CHD6: variants seen among roughly 807,000 people sequenced by gnomAD.
CHD6 encodes the protein ATP-dependent chromatin remodeler CHD6.
Under a neutral mutation model 276.9 loss-of-function variants are expected in CHD6, and 50 were observed. That is an observed-to-expected ratio of 0.18 (90% CI 0.14 to 0.23). The LOEUF (loss-of-function observed/expected upper bound fraction) is 0.23. Ranked by LOEUF, CHD6 falls within the 10% of genes least tolerant of loss-of-function variation. The probability of loss-of-function intolerance (pLI) is 1.00; values close to 1 mark genes in which losing one functional copy is unlikely to be tolerated. For missense variants in CHD6, 2,564 were observed against 3,365.8 expected (o/e 0.76, Z 5.89); for synonymous variants, 1,173 against 1,229.3 (o/e 0.95, Z 0.96).
intron 25 of CHD6, among the ~76,000 whole-genome samples, chr20:41,442,104 T>C (rs2047919910): frequency 6.6e-6 from 1 of 152,128 alleles, no homozygotes; most frequent in Admixed American, 6.5e-5. Flanking sequence ...TATATTCAAC[T>C]CATTTAACAG....
At chr20:41,592,355 G>T (rs1001013001) in intron 1 of CHD6, among the ~76,000 whole-genome samples, 3 of 152,112 alleles carry the variant, frequency 2.0e-5, no homozygotes, top group Admixed American at 6.5e-5. Context: ...AAACAAAATA[G>T]AAAAACTTGG....
intron 27 of CHD6, among the ~76,000 whole-genome samples, chr20:41,431,737 G>A (rs1471672811): frequency 4.3e-5 from 6 of 140,594 alleles, no homozygotes; most frequent in Non-Finnish European, 7.6e-5. Flanking sequence ...ACAAACTAGA[G>A]ACCTCAGGAC....
Position 41,490,015 on chromosome 20 carries a change from G to GT in CHD6, c.1442dup (p.Asn481LysfsTer6). On this transcript the variant is annotated frameshift_variant, in exon 12 of 37. Coordinates refer to ENST00000373233, the MANE Select transcript of CHD6 (RefSeq NM_032221.5). LOFTEE classifies it high-confidence loss of function. ...GGCCCATCTCATCAGCCAAAATACA[G>GT]TTTTTTCTGCAGAGAGTGAGAAATA... 6.2e-7 allele frequency: 1 copy of GT among 1,612,930 alleles called. No homozygotes were observed. The highest frequency in any genetic ancestry group is 8.5e-7 in the Non-Finnish European group (1 of 1,178,952).
At chr20:41,603,059 A>G (rs902203058) in intron 1 of CHD6, among the ~76,000 whole-genome samples, 1 of 152,122 alleles carries the variant, frequency 6.6e-6, no homozygotes, top group Non-Finnish European at 1.5e-5. Flanking sequence ...GAATATTAAA[A>G]TATTTGAATT....
intron 2 of CHD6, among the ~76,000 whole-genome samples, chr20:41,543,205 C>G (rs1479089271): frequency 6.6e-6 from 1 of 151,726 alleles, no homozygotes; most frequent in African/African-American, 2.4e-5. Context: ...ACCAAAACAA[C>G]CTTAAGATAG....
chr20:41,437,325 T>G lies in CHD6; in HGVS notation c.4017A>C (p.Thr1339=), dbSNP rs375532630. The change falls in exon 27 of 37, where the codon ACA becomes ACC. Residue 1339 remains threonine (T), a synonymous_variant. Transcript: ENST00000373233. ...GTSDIPERGN[T]DKEDNAEDKV... The stretch of plus-strand genomic sequence containing the variant: ...TGTCCTCAGCATTGTCTTCTTTATC[T>G]GTGTTGCCTCTAAATAAAAGTAAAA... 57 of 1,612,310 alleles carry G rather than the reference T, an allele frequency of 3.5e-5. No individual in the cohort carries two copies. The highest frequency in any genetic ancestry group is 4.6e-5 in the Non-Finnish European group (54 of 1,179,280).
intron 2 of CHD6, among the ~76,000 whole-genome samples, chr20:41,535,181 A>G (rs2044798954): frequency 6.6e-6 from 1 of 152,130 alleles, no homozygotes; most frequent in East Asian, 1.9e-4. Context: ...TTTCTGAAGG[A>G]CAGGGGTCCC....
At chr20:41,416,861 A>T in intron 32 of CHD6, 67 bp from the exon 33 acceptor site, 2 of 1,340,200 alleles carry the variant, frequency 1.5e-6, no homozygotes, top group Non-Finnish European at 2.0e-6. Flanking sequence ...ATCCTTTGAG[A>T]TCAAGGGTTA....
Position 41,533,628 on chromosome 20 carries a change from G to C in CHD6, c.34-58C>G, listed in dbSNP as rs570579909. 627 of 1,440,688 alleles carry C rather than the reference G, an allele frequency of 4.4e-4. 15 individuals carry two copies. The South Asian group carries it at 7.5e-3, about 17-fold the overall frequency. The allele number at this position is 1,440,688 out of a possible 1,614,324, so 89.2% of individuals were successfully genotyped here. On this transcript the variant is annotated intron_variant, in intron 2 of 36. Transcript: ENST00000373233. ...TTCCAATTCATGCTTCAGACAAAGA[G>C]AGTTACCCAGTTTGAATACATGGAT...
chr20:41,455,753 T>G (rs1360131538), intron 19 of CHD6, 47 bp downstream of exon 19: 2 of 1,294,196 alleles, frequency 1.5e-6, no homozygotes, highest in Non-Finnish European at 2.1e-6. Context: ...AATAAACATT[T>G]TTTTTTCTCT....
chr20:41,549,257 C>A (rs1328338056), intron 2 of CHD6, among the ~76,000 whole-genome samples: 1 of 151,526 alleles, frequency 6.6e-6, no homozygotes, highest in Non-Finnish European at 1.5e-5. Flanking sequence ...TGTCCAACAA[C>A]GATAGACTGG....
At chr20:41,598,853 A>G (rs951739579) in intron 1 of CHD6, among the ~76,000 whole-genome samples, 3 of 152,182 alleles carry the variant, frequency 2.0e-5, no homozygotes, top group African/African-American at 7.2e-5. Flanking sequence ...ACTCTGCCAA[A>G]TAAGTGGGGC....
chr20:41,439,261 CAGA>C (rs924646102), intron 26 of CHD6, among the ~76,000 whole-genome samples: 8 of 151,726 alleles, frequency 5.3e-5, no homozygotes, highest in East Asian at 1.9e-4. Context: ...GAGGCTGAGG[CAGA>C]AGAATTGCTT....
chr20:41,447,210 A>C, intron 24 of CHD6, among the ~76,000 whole-genome samples: 1 of 152,192 alleles, frequency 6.6e-6, no homozygotes, highest in South Asian at 2.1e-4. Flanking sequence ...AGAAGAAACC[A>C]CGGCCCCAGG....
At chr20:41,585,008 T>C (rs1375699102) in intron 1 of CHD6, among the ~76,000 whole-genome samples, 1 of 152,168 alleles carries the variant, frequency 6.6e-6, no homozygotes, top group Non-Finnish European at 1.5e-5. Flanking sequence ...AAGCGAGTTT[T>C]TTATAAACCT....
intron 28 of CHD6, 150 bp from the exon 29 acceptor site, chr20:41,425,544 G>C: frequency 1.3e-6 from 1 of 777,086 alleles, no homozygotes; most frequent in Non-Finnish European, 2.0e-6. Context: ...AGCAAGGCAT[G>C]ACTGGAAGGG....
At chr20:41,423,201 T>TCA (rs2047252330) in intron 30 of CHD6, among the ~76,000 whole-genome samples, 1 of 152,204 alleles carries the variant, frequency 6.6e-6, no homozygotes, top group Admixed American at 6.5e-5. Context: ...AACCATGACT[T>TCA]TAAAAAAACC....
intron 17 of CHD6, among the ~76,000 whole-genome samples, chr20:41,457,743 G>A (rs538384243): frequency 6.6e-6 from 1 of 152,300 alleles, no homozygotes; most frequent in South Asian, 2.1e-4. Flanking sequence ...ACATTCCCAG[G>A]ATGCTGTCCT....
chr20:41,564,769 G>C (rs2045337718), intron 1 of CHD6, among the ~76,000 whole-genome samples: 2 of 152,196 alleles, frequency 1.3e-5, no homozygotes, highest in African/African-American at 4.8e-5. Flanking sequence ...TGTATAATGG[G>C]TGACCAATAG....
Sources: gnomAD v4.1 joint callset for allele counts (sites outside exome capture counted in the v4.1 genomes callset) on GRCh38, gnomAD v4.1.1 for gene constraint, MANE v1.5 for transcripts, NCBI Gene and HGNC (gene_info 2026-07-23, HGNC 2026-07-21) for gene names.